Variants in SDCCAG8 observed in about 807,000 individuals in gnomAD.
SDCCAG8 encodes serologically defined colon cancer antigen 8.
A neutral mutation model predicts 101.8 loss-of-function variants in SDCCAG8; 74 were observed. That is an observed-to-expected ratio of 0.73 (90% CI 0.60 to 0.88). The LOEUF is 0.88. SDCCAG8 is among the 40% of genes least tolerant of loss of function. The pLI is 0.00. For synonymous variants in SDCCAG8, 281 were observed against 292.9 expected, an observed-to-expected ratio of 0.96 and a Z score of 0.41; for missense variants, 787 against 822.6, an observed-to-expected ratio of 0.96 and a Z score of 0.53.
chr1:243,315,611 C>T (rs930499010), intron 8 of SDCCAG8, among the ~76,000 whole-genome samples: 1 of 152,104 alleles, frequency 6.6e-6, no homozygotes, highest in Non-Finnish European at 1.5e-5. Flanking sequence ...TTTCCAAATA[C>T]CACAAATAGT....
At chr1:243,444,467 G>A (rs1340109890) in intron 16 of SDCCAG8, among the ~76,000 whole-genome samples, 4 of 151,844 alleles carry the variant, frequency 2.6e-5, no homozygotes, top group African/African-American at 4.8e-5. Flanking sequence ...CACCTCCCGG[G>A]TTCAAGTGAG....
rs1268810880 is a variant in SDCCAG8, at chr1:243,378,755, G to A, written c.1508G>A (p.Ser503Asn). The part of the protein sequence containing the change: ...IEKLRIELDE[S>N]KQHLEQEQQK... ...AAATTGAGAATAGAACTGGATGAAA[G>A]CAAACAACACTTGGAACAGGAGCAG... Residue 503 changes from serine (S) to asparagine (N), a missense_variant, in exon 13 of 18, where the codon AGC becomes AAC. Physicochemically the swap from Ser to Asn is conservative, Grantham distance 46 (BLOSUM62 1). Transcript: ENST00000366541. 1 of 1,614,060 alleles carries A rather than the reference G, an allele frequency of 6.2e-7. No homozygotes were observed. The highest frequency in any genetic ancestry group is 2.2e-5 in the East Asian group (1 of 44,874).
At chr1:243,348,037 CTTTTTTTTTTTT>C (rs1181379015) in intron 12 of SDCCAG8, among the ~76,000 whole-genome samples, 2 of 103,386 alleles carry the variant, frequency 1.9e-5, no homozygotes, top group African/African-American at 7.6e-5. Context: ...TTTTTTTTTT[CTTTTTTTTTTTT>C]TTTTAGGACG....
chr1:243,447,961 G>A (rs1043286566), intron 16 of SDCCAG8, among the ~76,000 whole-genome samples: 8 of 152,114 alleles, frequency 5.3e-5, no homozygotes, highest in African/African-American at 1.9e-4. Context: ...TAGTTTCTGC[G>A]TGGCTTTGTG....
intron 16 of SDCCAG8, among the ~76,000 whole-genome samples, chr1:243,457,072 A>G (rs2083820351): frequency 1.3e-5 from 2 of 152,246 alleles, no homozygotes; most frequent in South Asian, 2.1e-4. Context: ...TTTATCACGC[A>G]TGCTAGAAAC....
intron 16 of SDCCAG8, among the ~76,000 whole-genome samples, chr1:243,482,042 A>T (rs548257672): frequency 1.3e-5 from 2 of 152,228 alleles, no homozygotes; most frequent in Non-Finnish European, 1.5e-5. Flanking sequence ...TATACATTGC[A>T]TATATTTTGT....
At chr1:243,431,708 G>C (rs2081778879) in intron 16 of SDCCAG8, among the ~76,000 whole-genome samples, 1 of 151,742 alleles carries the variant, frequency 6.6e-6, no homozygotes, top group Non-Finnish European at 1.5e-5. Context: ...TTTCTCCCTA[G>C]AAAATAGAGC....
chr1:243,275,239 C>G (rs1207008945), intron 4 of SDCCAG8, among the ~76,000 whole-genome samples: 1 of 152,170 alleles, frequency 6.6e-6, no homozygotes, highest in African/African-American at 2.4e-5. Context: ...GCCTTTTCAT[C>G]TTCCCGAAGT....
chr1:243,356,424 G>GGT (rs2076385905), intron 12 of SDCCAG8, among the ~76,000 whole-genome samples: 2 of 150,594 alleles, frequency 1.3e-5, no homozygotes, highest in African/African-American at 4.9e-5. Context: ...TAGTGGCGGG[G>GGT]GGGTGGTGGG....
intron 13 of SDCCAG8, among the ~76,000 whole-genome samples, chr1:243,401,734 CAA>C (rs200088256): frequency 3.1e-5 from 4 of 129,392 alleles, no homozygotes; most frequent in African/African-American, 2.8e-5. Flanking sequence ...ATCTGATTTA[CAA>C]AAAAAAAAAA....
intron 16 of SDCCAG8, chr1:243,476,091 C>T: frequency 1.0e-6 from 1 of 985,366 alleles, no homozygotes; most frequent in Non-Finnish European, 1.2e-6. Context: ...TGTGGAGGAC[C>T]CCCTTTTACT....
intron 12 of SDCCAG8, among the ~76,000 whole-genome samples, chr1:243,354,077 A>G (rs1443242017): frequency 6.6e-6 from 1 of 152,202 alleles, no homozygotes; most frequent in African/African-American, 2.4e-5. Context: ...GTACAAAGTC[A>G]TGACTTTCTG....
chr1:243,325,967 A>G (rs1024062938), intron 9 of SDCCAG8, among the ~76,000 whole-genome samples: 9 of 152,226 alleles, frequency 5.9e-5, no homozygotes, highest in Non-Finnish European at 1.3e-4. Context: ...AAGCTACACG[A>G]AGCAGATGAA....
At chr1:243,340,388 A>T (rs1314599849) in intron 10 of SDCCAG8, among the ~76,000 whole-genome samples, 3 of 152,214 alleles carry the variant, frequency 2.0e-5, no homozygotes, top group Admixed American at 6.5e-5. Context: ...CTGAATATCA[A>T]CCCTGAACGT....
chr1:243,416,975 A>T lies in SDCCAG8; in HGVS notation c.1745-993A>T, dbSNP rs1215848931. Among the ~76,000 whole-genome samples the T allele has an allele frequency of 6.6e-6, 1 of 152,194 alleles. No individual in the cohort carries two copies. The highest frequency in any genetic ancestry group is 1.5e-5 in the Non-Finnish European group (1 of 68,032). Reference sequence around the variant, plus strand: ...TTAGAGGTAATTTTCATATGATTTAATGTATTAATATATTGTATTTGATGA... The same window carrying T: ...TTAGAGGTAATTTTCATATGATTTATTGTATTAATATATTGTATTTGATGA... On this transcript the variant is annotated intron_variant, in intron 14 of 17. Coordinates refer to ENST00000366541, the MANE Select transcript of SDCCAG8 (RefSeq NM_006642.5). The surrounding 1 kb of genome is among the most constrained non-coding windows in gnomAD (Gnocchi z 4.3).
chr1:243,417,728 T>C (rs766594095), intron 14 of SDCCAG8, among the ~76,000 whole-genome samples: 29 of 152,206 alleles, frequency 1.9e-4, no homozygotes, highest in Non-Finnish European at 4.0e-4. Context: ...TGTTAAAATG[T>C]TACACCAAGC....
intron 1 of SDCCAG8, among the ~76,000 whole-genome samples, chr1:243,268,391 T>C (rs1475952328): frequency 6.6e-6 from 1 of 152,266 alleles, no homozygotes; most frequent in Non-Finnish European, 1.5e-5. Context: ...CAGTTTCATA[T>C]ATTCCCAAAA....
intron 16 of SDCCAG8, among the ~76,000 whole-genome samples, chr1:243,433,515 TC>T (rs1374105355): frequency 6.6e-6 from 1 of 152,152 alleles, no homozygotes; most frequent in Admixed American, 6.5e-5. Flanking sequence ...CTGCCATGCC[TC>T]CAGAAACCCA....
intron 12 of SDCCAG8, among the ~76,000 whole-genome samples, chr1:243,373,798 C>T (rs1558374874): frequency 6.6e-6 from 1 of 152,066 alleles, no homozygotes; most frequent in Non-Finnish European, 1.5e-5. Context: ...TGAATATTTG[C>T]TGAACAACAG....
Sources: allele counts gnomAD v4.1 joint callset (sites outside exome capture counted in the v4.1 genomes callset), GRCh38; gene constraint gnomAD v4.1.1; non-coding constraint Gnocchi (gnomAD v3.1); transcripts MANE v1.5; gene names NCBI Gene and HGNC (gene_info 2026-07-23, HGNC 2026-07-21).